The following SPAG16 variants were observed in gnomAD, a reference collection of about 807,000 sequenced individuals.
SPAG16 encodes sperm associated antigen 16.
In SPAG16, 86 loss-of-function variants were observed where a neutral mutation model predicts 80.4. The ratio of observed to expected loss-of-function variants is 1.07; its 90% confidence interval spans 0.90 to 1.28. The LOEUF (loss-of-function observed/expected upper bound fraction) is 1.28. Among genes scored for constraint, SPAG16 ranks in the 50% most tolerant of loss-of-function variants. The pLI is 0.00. For synonymous variants in SPAG16, 294 were observed against 265.9 expected, an observed-to-expected ratio of 1.11 and a Z score of -1.03; for missense variants, 870 against 765.3, an observed-to-expected ratio of 1.14 and a Z score of -1.61.
At chr2:213,797,393 C>A (rs2556343) in intron 10 of SPAG16, among the ~76,000 whole-genome samples, 3,919 of 152,198 alleles carry the variant, frequency 0.026, 181 homozygotes, top group African/African-American at 0.09. Flanking sequence ...ATTCATAGTG[C>A]CGAGAAAATG....
At chr2:213,836,273 A>G (rs1323410445) in intron 10 of SPAG16, among the ~76,000 whole-genome samples, 3 of 149,644 alleles carry the variant, frequency 2.0e-5, no homozygotes, top group African/African-American at 4.9e-5. Context: ...CTTTAGAGGA[A>G]TATCCAGGAA....
chr2:213,912,467 A>T (rs1442876496), intron 11 of SPAG16, among the ~76,000 whole-genome samples: 2 of 152,206 alleles, frequency 1.3e-5, no homozygotes, highest in East Asian at 3.8e-4. Flanking sequence ...ATTAGATCAA[A>T]ATTATTTTTG....
chr2:213,743,370 A>G (rs968825717), intron 10 of SPAG16, among the ~76,000 whole-genome samples: 3 of 152,134 alleles, frequency 2.0e-5, no homozygotes, highest in Non-Finnish European at 4.4e-5. Context: ...GAAAGAATGA[A>G]TTTATTCTTA....
intron 10 of SPAG16, among the ~76,000 whole-genome samples, chr2:213,801,022 T>C (rs987716601): frequency 2.0e-5 from 3 of 152,170 alleles, no homozygotes; most frequent in African/African-American, 7.2e-5. Flanking sequence ...ACCAATAGCA[T>C]AAAAACAATA....
chr2:213,971,376 A>C (rs2045042314), intron 12 of SPAG16, among the ~76,000 whole-genome samples: 1 of 152,128 alleles, frequency 6.6e-6, no homozygotes, highest in African/African-American at 2.4e-5. Flanking sequence ...ATACTAATAT[A>C]TGCAAAACTG....
intron 9 of SPAG16, among the ~76,000 whole-genome samples, chr2:213,472,757 A>G (rs2125665356): frequency 6.7e-6 from 1 of 149,856 alleles, no homozygotes; most frequent in South Asian, 2.1e-4. Context: ...CCTGACCTCC[A>G]TAACCCCCTA....
chr2:213,479,065 T>C (rs2073594403), intron 9 of SPAG16, among the ~76,000 whole-genome samples: 2 of 150,912 alleles, frequency 1.3e-5, no homozygotes, highest in Non-Finnish European at 3.0e-5. Flanking sequence ...TATTCTTTTC[T>C]CTTTTTCTTC....
chr2:213,681,540 A>T (rs537886423), intron 10 of SPAG16, among the ~76,000 whole-genome samples: 26 of 152,230 alleles, frequency 1.7e-4, no homozygotes, highest in South Asian at 4.1e-4. Flanking sequence ...TTGCAGAGGG[A>T]TTAACACATG....
intron 13 of SPAG16, among the ~76,000 whole-genome samples, chr2:214,099,516 A>G (rs2052845449): frequency 6.6e-6 from 1 of 152,106 alleles, no homozygotes; most frequent in South Asian, 2.1e-4. Context: ...CTCAAATATC[A>G]CATTCTTAAC....
At chr2:213,618,089 T>C in intron 10 of SPAG16, among the ~76,000 whole-genome samples, 1 of 152,220 alleles carries the variant, frequency 6.6e-6, no homozygotes, top group African/African-American at 2.4e-5. Context: ...TTTTTCTATG[T>C]AATAGAACCC....
chr2:213,402,326 A>G (rs981073947), intron 9 of SPAG16, among the ~76,000 whole-genome samples: 1 of 152,088 alleles, frequency 6.6e-6, no homozygotes, highest in African/African-American at 2.4e-5. Flanking sequence ...ATGTTATACT[A>G]TCTAATTCTA....
Position 213,591,212 on chromosome 2 carries a change from A to G in SPAG16, c.1070+101122A>G, listed in dbSNP as rs113537277. Among the ~76,000 whole-genome samples, 229 of 152,302 alleles carry G rather than the reference A, an allele frequency of 1.5e-3. 3 individuals are homozygous for G. Among genetic ancestry groups the G allele is most frequent in the African/African-American group, 4.4e-3 (184 of 41,564 alleles). On this transcript the variant is annotated intron_variant, in intron 10 of 15. Transcript: ENST00000331683. Reference sequence around the variant, plus strand: ...CTTAAGCTATATTAGATTTTGGAGTATGTGTTTTAAAGTAATTCAATTTCC... The same window carrying G: ...CTTAAGCTATATTAGATTTTGGAGTGTGTGTTTTAAAGTAATTCAATTTCC...
At chr2:213,682,564 C>T (rs1426324220) in intron 10 of SPAG16, among the ~76,000 whole-genome samples, 3 of 152,102 alleles carry the variant, frequency 2.0e-5, no homozygotes, top group South Asian at 2.1e-4. Flanking sequence ...GGTATTTAAG[C>T]GTTTAGGAAG....
At chr2:214,123,442 A>T (rs1358526421) in intron 14 of SPAG16, among the ~76,000 whole-genome samples, 1 of 152,074 alleles carries the variant, frequency 6.6e-6, no homozygotes, top group Non-Finnish European at 1.5e-5. Context: ...TCTTTGGATA[A>T]CTTTAAAACC....
chr2:213,566,991 C>A (rs1359797425), intron 10 of SPAG16, among the ~76,000 whole-genome samples: 1 of 152,004 alleles, frequency 6.6e-6, no homozygotes, highest in Non-Finnish European at 1.5e-5. Flanking sequence ...TTTAAATAAT[C>A]CTCATATAAT....
chr2:214,368,529 G>C (rs1699622822), intron 15 of SPAG16, among the ~76,000 whole-genome samples: 1 of 151,996 alleles, frequency 6.6e-6, no homozygotes, highest in African/African-American at 2.4e-5. Flanking sequence ...TCTCAGGTTA[G>C]CATAAAGTAG....
intron 10 of SPAG16, among the ~76,000 whole-genome samples, chr2:213,677,761 A>G (rs1487069390): frequency 6.6e-6 from 1 of 152,222 alleles, no homozygotes; most frequent in Non-Finnish European, 1.5e-5. Context: ...CTCTGCACCA[A>G]GCGGACCTAA....
intron 10 of SPAG16, among the ~76,000 whole-genome samples, chr2:213,703,302 TTG>T (rs2065582159): frequency 1.3e-5 from 2 of 152,210 alleles, no homozygotes; most frequent in South Asian, 4.1e-4. Flanking sequence ...TATTAGGAAC[TTG>T]GCTGTCCTGT....
intron 9 of SPAG16, among the ~76,000 whole-genome samples, chr2:213,379,763 T>G (rs2067069981): frequency 6.6e-6 from 1 of 152,108 alleles, no homozygotes. Flanking sequence ...GCTGGCAAAT[T>G]GGGCACTCAG....
Sources: gnomAD v4.1 joint callset for allele counts (sites outside exome capture counted in the v4.1 genomes callset) on GRCh38, gnomAD v4.1.1 for gene constraint, MANE v1.5 for transcripts, NCBI Gene and HGNC (gene_info 2026-07-23, HGNC 2026-07-21) for gene names.